SGSH: variants seen among roughly 807,000 people sequenced by gnomAD.
SGSH encodes the protein heparan sulfate sulfatase.
A neutral mutation model predicts 51.0 loss-of-function variants in SGSH; 48 were observed. That is an observed-to-expected ratio of 0.94 (90% CI 0.75 to 1.20). SGSH has a LOEUF of 1.20. SGSH is among the 50% of genes most tolerant of loss of function. The pLI is 0.00. For missense variants in SGSH, 662 were observed against 717.8 expected, an observed-to-expected ratio of 0.92 and a Z score of 0.89; for synonymous variants, 321 against 313.4, an observed-to-expected ratio of 1.02 and a Z score of -0.26.
chr17:80,202,686 G>T (rs952094359), downstream of SGSH: 1 of 1,172,004 alleles, frequency 8.5e-7, no homozygotes, highest in Non-Finnish European at 1.1e-6. Flanking sequence ...TACCATGGAC[G>T]TTTGGGGCTG....
chr17:80,217,479 C>T (rs1054713104), intron 1 of SGSH, among the ~76,000 whole-genome samples: 6 of 149,670 alleles, frequency 4.0e-5, no homozygotes, highest in Non-Finnish European at 7.4e-5. Context: ...ATCCAGAAGA[C>T]CCCATACCCA....
chr17:80,214,864 C>G, intron 3 of SGSH, 99 bp from the exon 4 acceptor site: 1 of 1,449,792 alleles, frequency 6.9e-7, no homozygotes, highest in Non-Finnish European at 9.5e-7. Context: ...TGTGGGTTCT[C>G]GTGGACACAC....
At chr17:80,204,639 A>G, downstream of SGSH, 1 of 333,496 alleles carries the variant, frequency 3.0e-6, no homozygotes, top group South Asian at 5.8e-5. Context: ...AAAAAAAAAA[A>G]TTTCAGGAGA....
chr17:80,206,060 C>A (rs2041285808), downstream of SGSH: 11 of 167,282 alleles, frequency 6.6e-5, no homozygotes, highest in South Asian at 1.8e-3. Context: ...GCTGGCGGAG[C>A]TCCATGCCAA....
chr17:80,203,800 G>T, downstream of SGSH: 1 of 1,555,170 alleles, frequency 6.4e-7, no homozygotes, highest in Non-Finnish European at 8.7e-7. The surrounding 1 kb of genome is among the most constrained non-coding windows in gnomAD (Gnocchi z 4.6). Context: ...AGCTGGGTCA[G>T]GGCCTCTGCT....
intron 2 of SGSH, among the ~76,000 whole-genome samples, chr17:80,216,071 G>A (rs528963647): frequency 6.6e-6 from 1 of 152,314 alleles, no homozygotes; most frequent in East Asian, 1.9e-4. Context: ...GCTCACGCCT[G>A]TAATCCCAGC....
chr17:80,206,448 C>G (rs2041313721), downstream of SGSH, among the ~76,000 whole-genome samples: 1 of 152,086 alleles, frequency 6.6e-6, no homozygotes, highest in Non-Finnish European at 1.5e-5. Flanking sequence ...ACACCCGTCT[C>G]TACAAAACAT....
chr17:80,204,138 C>T (rs914700077), downstream of SGSH: 63 of 1,271,152 alleles, frequency 5.0e-5, no homozygotes, highest in Middle Eastern at 1.9e-4. Flanking sequence ...ACTCCCAGGT[C>T]GCCCTAGTGC....
chr17:80,214,616 G>C lies in SGSH; in HGVS notation c.505C>G (p.Arg169Gly), dbSNP rs770108057. 1 of 1,612,490 alleles carries C rather than the reference G, an allele frequency of 6.2e-7. No homozygotes were observed. The highest frequency in any genetic ancestry group is 1.7e-4 in the Middle Eastern group (1 of 6,058). ...AGGGGCAGGGGCCCCGACTCATACCGGTCATCCTGAGTCTGCAGGAATTTC... is the reference window on the plus strand; with the variant it reads ...AGGGGCAGGGGCCCCGACTCATACCCGTCATCCTGAGTCTGCAGGAATTTC... ...VRKFLQTQDDRPFFLYVAFHD... is the reference protein window; with the variant it reads ...VRKFLQTQDDGPFFLYVAFHD... Residue 169 changes from arginine to glycine, a missense_variant and splice_region_variant, in exon 4 of 8, where the codon CGG (arginine) becomes GGG (glycine). Arg to Gly is a moderately radical substitution (Grantham distance 125). Transcript: ENST00000326317.
downstream of SGSH, chr17:80,205,058 G>A (rs759612018): frequency 3.7e-5 from 60 of 1,605,186 alleles, no homozygotes; most frequent in Admixed American, 5.1e-5. Context: ...CTTCTGGGCC[G>A]AGAGCTGCCT....
Position 80,209,499 on chromosome 17 carries a change from C to T in SGSH, c.*953G>A, listed in dbSNP as rs150031854. On this transcript the variant is annotated 3_prime_UTR_variant, in exon 8 of 8. Transcript: ENST00000326317. ...GAGGTGGGTGGAGGCAGGGCAGGAA[C>T]GGCACATTCTCCCAGCAACGCCGAC... 2.8e-4 allele frequency: 280 copies of T among 985,424 alleles called. 1 individual carries two copies. In the African/African-American group the frequency reaches 3.5e-3, roughly 12 times the overall value. The allele number at this position is 985,424 out of a possible 1,614,324, so 61.0% of individuals were successfully genotyped here.
chr17:80,204,515 T>A, downstream of SGSH: 1 of 562,996 alleles, frequency 1.8e-6, no homozygotes, highest in East Asian at 3.2e-5. Context: ...TCCCAGATAC[T>A]CGGGAGGCTG....
chr17:80,200,888 A>G, the SGSH span: 1 of 152,294 alleles, frequency 6.6e-6, no homozygotes, highest in Non-Finnish European at 1.5e-5. Flanking sequence ...ACAGTTCACG[A>G]TAGGGCTCAT....
rs925023537 is a variant in SGSH at position 80,215,487 on chromosome 17, C to T, written c.250-349G>A. Among the ~76,000 whole-genome samples, 5 of 152,236 alleles carry T rather than the reference C, an allele frequency of 3.3e-5. No individual in the cohort carries two copies. The East Asian group carries it at 9.6e-4, about 29-fold the overall frequency. On this transcript the variant is annotated intron_variant, in intron 2 of 7. Transcript: ENST00000326317. ...ACAGGGTCAGGCCTTGTTTTATTAC[C>T]TAGTTATTTTATATTGTAAAAGATG...
chr17:80,201,669 C>CCTCACGATAGGG, the SGSH span: 1 of 1,552,900 alleles, frequency 6.4e-7, no homozygotes. This position sits in a 1 kb window ranked among gnomAD's most constrained non-coding sequence, Gnocchi z 5.0. Context: ...GCCTCAGTGC[C>CCTCACGATAGGG]CTCAGCGCCT....
At chr17:80,205,512 C>A, downstream of SGSH, 1 of 1,578,880 alleles carries the variant, frequency 6.3e-7, no homozygotes, top group East Asian at 2.3e-5. Flanking sequence ...ATGATGGCCC[C>A]GTCCAATGTC....
In SGSH at chr17:80,212,359, C is replaced by T. The variant is rs888694868; in HGVS notation, c.746-85G>A. The stretch of plus-strand genomic sequence containing the variant: ...GTGTGTGTAGACCCACCTGCTGCTG[C>T]ATCCGGCCGCTGGGCTCCAGCGCTT... On this transcript the variant is annotated intron_variant, in intron 6 of 7. Coordinates refer to ENST00000326317, the MANE Select transcript of SGSH (RefSeq NM_000199.5). The surrounding 1 kb of genome is among the most constrained non-coding windows in gnomAD (Gnocchi z 5.9). 3.3e-5 allele frequency: 39 copies of T among 1,196,462 alleles called. No individual in the cohort carries two copies. The highest frequency in any genetic ancestry group is 4.6e-5 in the Non-Finnish European group (38 of 827,512). 74.1% of individuals were successfully genotyped at this position (1,196,462 alleles called of 1,614,324 possible).
rs187147954 is a variant in SGSH at position 80,214,202 on chromosome 17, G to A, written c.633C>T (p.Thr211=). Residue 211 remains threonine, a synonymous_variant, in exon 5 of 8, where the codon ACC becomes ACT. Transcript: ENST00000326317. ...CGTCCAGTGGGTCGTAGGCCTGGGG[G>A]GTCCAGTCTGGGATACGACCCATGC... ...ESGMGRIPDW[T]PQAYDPLDVL... 2 of 1,611,960 alleles carry A rather than the reference G, an allele frequency of 1.2e-6. No homozygotes were observed. Among genetic ancestry groups the A allele is most frequent in the Non-Finnish European group, 1.7e-6 (2 of 1,179,670 alleles).
At position 80,213,516 on chromosome 17, in the gene SGSH, C is replaced by A; in HGVS notation, c.745+288G>T. The A allele has an allele frequency of 1.9e-6, 1 of 534,576 alleles. No individual in the cohort carries two copies. The highest frequency in any genetic ancestry group is 3.4e-6 in the Non-Finnish European group (1 of 298,226). The allele number at this position is 534,576 out of a possible 1,614,324, so 33.1% of individuals were successfully genotyped here. ...CATATGCTAAGGAACTCCAAACCCC[C>A]AAATCTGACCCAGGTCCTGTGACTG... On this transcript the variant is annotated intron_variant, in intron 6 of 7. Coordinates refer to ENST00000326317, the MANE Select transcript of SGSH (RefSeq NM_000199.5). This position sits in a 1 kb window ranked among gnomAD's most constrained non-coding sequence, Gnocchi z 4.6.
Sources: gnomAD v4.1 joint callset for allele counts (sites outside exome capture counted in the v4.1 genomes callset) on GRCh38, gnomAD v4.1.1 for gene constraint, Gnocchi (gnomAD v3.1) non-coding constraint, MANE v1.5 for transcripts, NCBI Gene and HGNC (gene_info 2026-07-23, HGNC 2026-07-21) for gene names.